Variants in ALK observed in about 807,000 individuals in gnomAD.
ALK encodes ALK receptor tyrosine kinase, also known as ALK tyrosine kinase receptor.
ALK carries 74 observed loss-of-function variants against 163.1 expected under a neutral mutation model. The ratio of observed to expected loss-of-function variants is 0.45; its 90% CI spans 0.38 to 0.55. The LOEUF (loss-of-function observed/expected upper bound fraction) is 0.55. Ranked by LOEUF, ALK falls within the 20% of genes least tolerant of loss-of-function variation. ALK has a pLI of 0.00. For missense variants in ALK, 2,063 were observed against 2,105.3 expected, an observed-to-expected ratio of 0.98 and a Z score of 0.39; for synonymous variants, 960 against 843.2, an observed-to-expected ratio of 1.14 and a Z score of -2.40.
At chr2:29,242,732 C>T (rs112847085) in intron 12 of ALK, among the ~76,000 whole-genome samples, 2 of 152,332 alleles carry the variant, frequency 1.3e-5, no homozygotes, top group African/African-American at 2.4e-5. Context: ...AGAACCCCTG[C>T]TCTCATGGGC....
chr2:29,685,446 G>C (rs1240949686), intron 3 of ALK, among the ~76,000 whole-genome samples: 2 of 152,104 alleles, frequency 1.3e-5, no homozygotes, highest in Non-Finnish European at 1.5e-5. Flanking sequence ...TTGTCCCCTT[G>C]GGTATTTCTT....
At chr2:29,399,103 C>T (rs189502232) in intron 4 of ALK, among the ~76,000 whole-genome samples, 4 of 152,242 alleles carry the variant, frequency 2.6e-5, no homozygotes, top group Admixed American at 6.5e-5. Context: ...GTTACATTAG[C>T]GCCTGCCATC....
intron 4 of ALK, among the ~76,000 whole-genome samples, chr2:29,391,562 A>G (rs1267574131): frequency 6.6e-6 from 1 of 151,982 alleles, no homozygotes; most frequent in Non-Finnish European, 1.5e-5. Flanking sequence ...TGGCCTCCCA[A>G]AGTGCCTCCT....
intron 3 of ALK, among the ~76,000 whole-genome samples, chr2:29,632,186 A>C (rs1276837752): frequency 6.6e-6 from 1 of 152,200 alleles, no homozygotes; most frequent in Non-Finnish European, 1.5e-5. Context: ...GCTTTGCACA[A>C]AGTATGAGTC....
At chr2:29,202,709 T>C (rs1408767448) in intron 26 of ALK, among the ~76,000 whole-genome samples, 2 of 152,280 alleles carry the variant, frequency 1.3e-5, no homozygotes, top group Non-Finnish European at 2.9e-5. Context: ...TATGTTGATA[T>C]ATGTAGGTTG....
At position 29,534,227 on chromosome 2, in the gene ALK, G is replaced by A. The variant is rs183343992; in HGVS notation, c.953-2111C>T. Among the ~76,000 whole-genome samples, 853 of 152,264 alleles carry A rather than the reference G, an allele frequency of 5.6e-3. 16 individuals are homozygous for A. The highest frequency in any genetic ancestry group is 4.7e-3 in the Non-Finnish European group (321 of 68,032). On this transcript the variant is annotated intron_variant, in intron 3 of 28. Coordinates refer to ENST00000389048, the MANE Select transcript of ALK (RefSeq NM_004304.5). ...AGGAGAACTGATCTGTTATGGTGGG[G>A]GCAAGAGGGAATTAATATTGACCCA...
At chr2:29,217,410 C>A (rs1427971828) in intron 23 of ALK, among the ~76,000 whole-genome samples, 1 of 151,566 alleles carries the variant, frequency 6.6e-6, no homozygotes, top group Non-Finnish European at 1.5e-5. Flanking sequence ...GTGGGAGGAG[C>A]TGTGGACATT....
chr2:29,358,217 C>A (rs560401409), intron 5 of ALK, among the ~76,000 whole-genome samples: 2 of 152,168 alleles, frequency 1.3e-5, no homozygotes, highest in African/African-American at 4.8e-5. Context: ...AATAACTGAA[C>A]CAAGACAGGC....
rs188158744 is a variant in ALK, at chr2:29,430,506, C to G, written c.1155-46647G>C. 1.4e-3 allele frequency among the ~76,000 whole-genome samples: 196 copies of G among 142,906 alleles called. 1 individual carries two copies. The highest frequency in any genetic ancestry group is 4.3e-3 in the African/African-American group (176 of 40,874). 93.8% of individuals were successfully genotyped at this position (142,906 alleles called of 152,430 possible). A position where few individuals can be genotyped will look rare whatever the true frequency, so the allele number is the denominator to read the frequency against. The stretch of plus-strand genomic sequence containing the variant: ...CTTTGCCATGGTAGCATAAAAACAA[C>G]CATAGAAAATACGTAACAGATAAGC... On this transcript the variant is annotated intron_variant, in intron 4 of 28. Coordinates refer to ENST00000389048, the MANE Select transcript of ALK (RefSeq NM_004304.5).
chr2:29,679,486 T>C (rs1677997499), intron 3 of ALK, among the ~76,000 whole-genome samples: 1 of 151,802 alleles, frequency 6.6e-6, no homozygotes, highest in South Asian at 2.1e-4. Context: ...TCTTACATTT[T>C]GGAGTTATTT....
chr2:29,537,443 G>A (rs911967295), intron 3 of ALK, among the ~76,000 whole-genome samples: 48 of 152,238 alleles, frequency 3.2e-4, no homozygotes, highest in African/African-American at 1.1e-3. Context: ...CATAAGCCAT[G>A]CTTCCATGTG....
At chr2:29,795,621 G>A (rs940000326) in intron 1 of ALK, among the ~76,000 whole-genome samples, 6 of 151,986 alleles carry the variant, frequency 3.9e-5, no homozygotes, top group Non-Finnish European at 5.9e-5. Flanking sequence ...AGTAAATATG[G>A]CATGTCCAAA....
At chr2:29,745,715 G>A (rs1357650954) in intron 1 of ALK, among the ~76,000 whole-genome samples, 1 of 152,172 alleles carries the variant, frequency 6.6e-6, no homozygotes, top group East Asian at 1.9e-4. Context: ...CACTGCCCAT[G>A]GTTTGCCTCC....
At chr2:29,569,661 C>T (rs1674299229) in intron 3 of ALK, among the ~76,000 whole-genome samples, 1 of 152,236 alleles carries the variant, frequency 6.6e-6, no homozygotes, top group South Asian at 2.1e-4. Context: ...ATCACTCAAA[C>T]AATCAAAGGG....
intron 8 of ALK, among the ~76,000 whole-genome samples, chr2:29,313,163 G>C (rs1263178087): frequency 6.6e-6 from 1 of 152,204 alleles, no homozygotes; most frequent in Non-Finnish European, 1.5e-5. Context: ...AGTCAGCCCA[G>C]AGAGGGGAAG....
chr2:29,215,074 T>C (rs974530521), intron 23 of ALK, among the ~76,000 whole-genome samples: 3 of 152,212 alleles, frequency 2.0e-5, no homozygotes, highest in Non-Finnish European at 4.4e-5. Context: ...TCAATCCCCT[T>C]TAGGGCCGCC....
chr2:29,865,708 T>C (rs1666418667), intron 1 of ALK, among the ~76,000 whole-genome samples: 2 of 152,188 alleles, frequency 1.3e-5, no homozygotes, highest in Admixed American at 6.5e-5. Flanking sequence ...ACAAAGTCTG[T>C]TTAGTACAAG....
intron 11 of ALK, among the ~76,000 whole-genome samples, chr2:29,273,307 C>T (rs1488004561): frequency 6.6e-6 from 1 of 152,190 alleles, no homozygotes; most frequent in Non-Finnish European, 1.5e-5. Context: ...TCTGCCTGGA[C>T]CCATAGGCAC....
chr2:29,314,009 G>A (rs966988953), intron 8 of ALK, among the ~76,000 whole-genome samples: 3 of 152,032 alleles, frequency 2.0e-5, no homozygotes, highest in African/African-American at 4.8e-5. Context: ...TGCCGAGGTC[G>A]GGGGCAAGCT....
Sources: allele counts gnomAD v4.1 joint callset (sites outside exome capture counted in the v4.1 genomes callset), GRCh38; gene constraint gnomAD v4.1.1; transcripts MANE v1.5; gene names NCBI Gene and HGNC (gene_info 2026-07-23, HGNC 2026-07-21).